RPS6KC1: variants seen among roughly 807,000 people sequenced by gnomAD.
RPS6KC1 encodes ribosomal protein S6 kinase C1.
A neutral mutation model predicts 103.8 loss-of-function variants in RPS6KC1; 54 were observed. That is an observed-to-expected ratio of 0.52 (90% CI 0.42 to 0.65). RPS6KC1 has a LOEUF of 0.65. Ranked by LOEUF, RPS6KC1 falls within the 30% of genes least tolerant of loss-of-function variation. The probability of loss-of-function intolerance (pLI) is 0.00; values close to 1 mark genes in which losing one functional copy is unlikely to be tolerated. For missense variants in RPS6KC1, 1,151 were observed against 1,253.8 expected, an observed-to-expected ratio of 0.92 and a Z score of 1.24; for synonymous variants, 439 against 438.7, an observed-to-expected ratio of 1.00 and a Z score of -0.01.
At chr1:213,133,605 A>G (rs542814793) in intron 6 of RPS6KC1, among the ~76,000 whole-genome samples, 1 of 152,232 alleles carries the variant, frequency 6.6e-6, no homozygotes, top group South Asian at 2.1e-4. Context: ...AGTAACACCC[A>G]TCTGTGGGCT....
the RPS6KC1 span, chr1:213,837,330 T>C: frequency 2.0e-5 from 3 of 152,234 alleles, no homozygotes; most frequent in African/African-American, 7.2e-5. Context: ...CTGTTCTCTC[T>C]ATAAAAATTT....
chr1:213,657,298 GA>G, the RPS6KC1 span, among the ~76,000 whole-genome samples: 1 of 152,108 alleles, frequency 6.6e-6, no homozygotes, highest in Non-Finnish European at 1.5e-5. Context: ...GAATGAAAAA[GA>G]GATTGCACTG....
chr1:213,668,030 C>G, the RPS6KC1 span, among the ~76,000 whole-genome samples: 1 of 152,282 alleles, frequency 6.6e-6, no homozygotes, highest in East Asian at 1.9e-4. Flanking sequence ...AGTCTTGAGT[C>G]CCTCAAAATC....
chr1:213,387,353 C>T, the RPS6KC1 span, among the ~76,000 whole-genome samples: 1 of 152,252 alleles, frequency 6.6e-6, no homozygotes, highest in Non-Finnish European at 1.5e-5. Flanking sequence ...AATTGCCTGA[C>T]TTCCAATTGC....
chr1:213,258,517 G>T (rs556959203), intron 12 of RPS6KC1, among the ~76,000 whole-genome samples: 1 of 152,294 alleles, frequency 6.6e-6, no homozygotes, highest in South Asian at 2.1e-4. Flanking sequence ...GAATTCTATG[G>T]AGGAATAGTG....
chr1:213,802,541 C>G, the RPS6KC1 span, among the ~76,000 whole-genome samples: 1 of 152,196 alleles, frequency 6.6e-6, no homozygotes, highest in African/African-American at 2.4e-5. Flanking sequence ...TTCTGGCTGA[C>G]AGATCTGCAT....
At chr1:213,334,979 C>T in the RPS6KC1 span, among the ~76,000 whole-genome samples, 1 of 152,174 alleles carries the variant, frequency 6.6e-6, no homozygotes, top group African/African-American at 2.4e-5. Context: ...GATAAAGCCT[C>T]ACTTGGAGAT....
the RPS6KC1 span, among the ~76,000 whole-genome samples, chr1:213,724,824 C>T: frequency 2.0e-5 from 3 of 152,196 alleles, no homozygotes; most frequent in Admixed American, 6.5e-5. Flanking sequence ...TGTCTGATTA[C>T]GTCAGGCACT....
intron 3 of RPS6KC1, among the ~76,000 whole-genome samples, chr1:213,081,386 G>GTTAAGT (rs1019051263): frequency 2.6e-5 from 4 of 152,006 alleles, no homozygotes; most frequent in African/African-American, 9.7e-5. Context: ...TTTCCAACAG[G>GTTAAGT]TTTAGTTCAC....
intron 1 of RPS6KC1, among the ~76,000 whole-genome samples, chr1:213,061,414 G>C (rs1488629586): frequency 6.6e-6 from 1 of 152,188 alleles, no homozygotes; most frequent in Non-Finnish European, 1.5e-5. Context: ...TGCCTGGCTG[G>C]TGGGTGATAA....
the RPS6KC1 span, among the ~76,000 whole-genome samples, chr1:213,291,360 C>T: frequency 3.2e-4 from 48 of 152,316 alleles, no homozygotes; most frequent in African/African-American, 1.1e-3. Flanking sequence ...CACCTGCTGC[C>T]TCTCGCACTT....
At chr1:213,721,309 C>A in the RPS6KC1 span, among the ~76,000 whole-genome samples, 1 of 152,282 alleles carries the variant, frequency 6.6e-6, no homozygotes, top group East Asian at 1.9e-4. Context: ...ATTATAGCTC[C>A]CATAATTCCC....
At chr1:213,194,135 T>C (rs1302132057) in intron 8 of RPS6KC1, among the ~76,000 whole-genome samples, 3 of 152,222 alleles carry the variant, frequency 2.0e-5, no homozygotes, top group Non-Finnish European at 4.4e-5. Flanking sequence ...TAGCTACTTC[T>C]GCTCTGCATG....
intron 3 of RPS6KC1, among the ~76,000 whole-genome samples, chr1:213,086,908 A>G (rs1056808686): frequency 6.6e-6 from 1 of 152,088 alleles, no homozygotes; most frequent in Non-Finnish European, 1.5e-5. Flanking sequence ...AAAATTTTAT[A>G]TGTTCAATTA....
the RPS6KC1 span, among the ~76,000 whole-genome samples, chr1:213,857,595 G>T: frequency 6.6e-6 from 1 of 152,274 alleles, no homozygotes; most frequent in South Asian, 2.1e-4. Flanking sequence ...AGGCTAACAG[G>T]CCCATTGAAG....
intron 3 of RPS6KC1, among the ~76,000 whole-genome samples, chr1:213,099,533 G>A (rs997030250): frequency 6.6e-6 from 1 of 152,134 alleles, no homozygotes; most frequent in Non-Finnish European, 1.5e-5. Context: ...TTTACACACA[G>A]TTAAATGCAC....
chr1:213,262,921 T>C (rs1437060623), intron 14 of RPS6KC1, 105 bp downstream of exon 14: 1 of 752,052 alleles, frequency 1.3e-6, no homozygotes, highest in Non-Finnish European at 2.4e-6. Flanking sequence ...GAAAAACCCA[T>C]TTAACGTAAA....
chr1:213,289,099 T>C, the RPS6KC1 span, among the ~76,000 whole-genome samples: 1 of 152,220 alleles, frequency 6.6e-6, no homozygotes, highest in Non-Finnish European at 1.5e-5. Context: ...ACAGGGCCAC[T>C]GTATTATCTT....
chr1:213,164,171 A>T (rs986372560), intron 6 of RPS6KC1, among the ~76,000 whole-genome samples: 8 of 152,222 alleles, frequency 5.3e-5, no homozygotes, highest in African/African-American at 1.9e-4. Context: ...GAGAAGAGAT[A>T]TATTTCTTAT....
Sources: gnomAD v4.1 joint callset for allele counts (sites outside exome capture counted in the v4.1 genomes callset) on GRCh38, gnomAD v4.1.1 for gene constraint, MANE v1.5 for transcripts, NCBI Gene and HGNC (gene_info 2026-07-23, HGNC 2026-07-21) for gene names.